Variants in CDIN1 observed in about 807,000 individuals in gnomAD.
CDIN1 encodes CDAN1-interacting nuclease 1.
A neutral mutation model predicts 45.3 loss-of-function variants in CDIN1; 33 were observed. The ratio of observed to expected loss-of-function variants is 0.73; its 90% CI spans 0.55 to 0.97. CDIN1 has a LOEUF of 0.97. CDIN1 is among the 50% of genes least tolerant of loss of function. The pLI, the probability that CDIN1 is intolerant of heterozygous loss-of-function variation, is 0.00. For missense variants in CDIN1, 303 were observed against 339.4 expected (o/e 0.89, Z 0.84); for synonymous variants, 118 against 124.4 (o/e 0.95, Z 0.34).
At chr15:36,617,763 A>C in intron 1 of CDIN1, 1 of 811,990 alleles carries the variant, frequency 1.2e-6, no homozygotes, top group South Asian at 1.3e-5. Flanking sequence ...AACTGCCCCA[A>C]AGTGATAAGT....
chr15:36,601,550 G>C (rs1330677960), intron 1 of CDIN1, among the ~76,000 whole-genome samples: 4 of 152,148 alleles, frequency 2.6e-5, no homozygotes, highest in Admixed American at 6.5e-5. Flanking sequence ...CAGCCACAGG[G>C]CATTGTAAAA....
intron 5 of CDIN1, among the ~76,000 whole-genome samples, chr15:36,661,681 A>G (rs377221381): frequency 1.2e-4 from 18 of 152,054 alleles, no homozygotes; most frequent in Admixed American, 2.0e-4. Context: ...TTATTGTTCA[A>G]TGCTCCCTGA....
chr15:36,658,146 G>C (rs1244814736), intron 5 of CDIN1: 4 of 359,622 alleles, frequency 1.1e-5, no homozygotes, highest in Non-Finnish European at 2.0e-5. Flanking sequence ...TAGACAATGT[G>C]TATCAAACTA....
At chr15:36,709,334 A>T (rs370691247) in intron 9 of CDIN1, 46 bp downstream of exon 9, 1 of 1,451,344 alleles carries the variant, frequency 6.9e-7, no homozygotes, top group African/African-American at 1.4e-5. Context: ...GAGAAAAGGG[A>T]TGTATTTTTT....
At chr15:36,647,618 T>C (rs954138973) in intron 3 of CDIN1, 3 of 152,200 alleles carry the variant, frequency 2.0e-5, no homozygotes, top group Non-Finnish European at 4.4e-5. Context: ...AGTAGCCTTT[T>C]GTTGGAAATG....
chr15:36,789,754 G>A (rs2054597399), intron 10 of CDIN1, among the ~76,000 whole-genome samples: 1 of 152,116 alleles, frequency 6.6e-6, no homozygotes, highest in African/African-American at 2.4e-5. Context: ...ATCCTCTTCT[G>A]AAATGTCTGT....
At chr15:36,683,350 C>T (rs2041922840) in intron 5 of CDIN1, among the ~76,000 whole-genome samples, 1 of 126,490 alleles carries the variant, frequency 7.9e-6, no homozygotes, top group South Asian at 3.0e-4. Context: ...TTCCCCATTG[C>T]TTGTTTTTGT....
intron 1 of CDIN1, among the ~76,000 whole-genome samples, chr15:36,640,890 T>A (rs761793824): frequency 1.3e-5 from 2 of 152,206 alleles, no homozygotes; most frequent in Non-Finnish European, 2.9e-5. Context: ...ATCAGGCATT[T>A]GAAAAACGTT....
rs906005522 is a variant in CDIN1, at chr15:36,579,803, A to G, written c.-58A>G. On this transcript the variant is annotated 5_prime_UTR_variant, in exon 1 of 11. Transcript: ENST00000566621. ...CCCCTCATCCCTCGGCACCAAGGCT[A>G]CTTGAGCCCCAGGGTGTTTTTTCCT... The G allele has an allele frequency of 2.8e-6, 4 of 1,407,410 alleles. No individual in the cohort carries two copies. The highest frequency in any genetic ancestry group is 2.8e-5 in the African/African-American group (2 of 70,350). 87.2% of individuals were successfully genotyped at this position (1,407,410 alleles called of 1,614,324 possible).
chr15:36,759,868 C>T (rs2053711965), intron 10 of CDIN1, among the ~76,000 whole-genome samples: 1 of 152,110 alleles, frequency 6.6e-6, no homozygotes, highest in African/African-American at 2.4e-5. Context: ...TGTGAGAACT[C>T]TATCAGAAGA....
At chr15:36,807,065 C>A (rs2055252263) in intron 10 of CDIN1, among the ~76,000 whole-genome samples, 1 of 152,172 alleles carries the variant, frequency 6.6e-6, no homozygotes, top group Admixed American at 6.5e-5. Context: ...TGGTTCTGTA[C>A]CTGCACAGAG....
chr15:36,612,910 C>T (rs1566832876), intron 1 of CDIN1, among the ~76,000 whole-genome samples: 1 of 152,146 alleles, frequency 6.6e-6, no homozygotes, highest in Non-Finnish European at 1.5e-5. Flanking sequence ...TTGTCGATAT[C>T]TCTTAAAAAG....
intron 8 of CDIN1, chr15:36,708,282 A>C (rs540912541): frequency 6.6e-6 from 1 of 152,236 alleles, no homozygotes; most frequent in Admixed American, 6.6e-5. Flanking sequence ...TTAAGAGACC[A>C]CACAGCCTTC....
chr15:36,733,674 A>C (rs2043912658), intron 10 of CDIN1, among the ~76,000 whole-genome samples: 1 of 152,122 alleles, frequency 6.6e-6, no homozygotes, highest in South Asian at 2.1e-4. Flanking sequence ...TGGGCATCAA[A>C]ATTGTCTCAA....
Position 36,607,813 on chromosome 15 carries a change from A to C in CDIN1, c.101+27852A>C, listed in dbSNP as rs1015955151. Among the ~76,000 whole-genome samples the C allele has an allele frequency of 3.9e-5, 6 of 152,162 alleles. No individual in the cohort carries two copies. The South Asian group carries it at 6.2e-4, about 16-fold the overall frequency. ...TCCATCACCATTATCTAATTACAGA[A>C]TATTTTACGACCCCAAAAAGAAACC... On this transcript the variant is annotated intron_variant, in intron 1 of 10. Coordinates refer to ENST00000566621, the MANE Select transcript of CDIN1 (RefSeq NM_001321759.2).
intron 3 of CDIN1, among the ~76,000 whole-genome samples, chr15:36,652,612 C>G (rs1416706074): frequency 6.6e-6 from 1 of 152,112 alleles, no homozygotes; most frequent in Non-Finnish European, 1.5e-5. Flanking sequence ...ATTTTTTCCT[C>G]TTGCTTCTGA....
intron 10 of CDIN1, among the ~76,000 whole-genome samples, chr15:36,713,246 C>G (rs1325780904): frequency 6.6e-6 from 1 of 152,088 alleles, no homozygotes; most frequent in Non-Finnish European, 1.5e-5. Flanking sequence ...TGCTATAAAG[C>G]ACATGAACAG....
intron 4 of CDIN1, among the ~76,000 whole-genome samples, chr15:36,655,035 C>T (rs1256063360): frequency 6.6e-6 from 1 of 152,144 alleles, no homozygotes. Context: ...TTAAAGATGA[C>T]TCGGTACTGT....
chr15:36,604,967 C>G (rs1468530054), intron 1 of CDIN1, among the ~76,000 whole-genome samples: 1 of 152,092 alleles, frequency 6.6e-6, no homozygotes, highest in African/African-American at 2.4e-5. Context: ...GACCCTTGTC[C>G]TCTGTGCTTC....
Sources: gnomAD v4.1 joint callset for allele counts (sites outside exome capture counted in the v4.1 genomes callset) on GRCh38, gnomAD v4.1.1 for gene constraint, MANE v1.5 for transcripts, NCBI Gene and HGNC (gene_info 2026-07-23, HGNC 2026-07-21) for gene names.